EIF4G3: variants seen among roughly 807,000 people sequenced by gnomAD.
The protein encoded by EIF4G3 is eIF-4-gamma 3.
A neutral mutation model predicts 186.4 loss-of-function variants in EIF4G3; 34 were observed. The observed-to-expected ratio is 0.18, with a 90% CI of 0.14 to 0.24. The LOEUF is 0.24. Ranked by LOEUF, EIF4G3 falls within the 10% of genes least tolerant of loss-of-function variation. The pLI is 1.00. For synonymous variants in EIF4G3, 673 were observed against 679.5 expected (o/e 0.99, Z 0.15); for missense variants, 1,536 against 1,948.5 (o/e 0.79, Z 3.99).
chr1:21,158,768 A>G (rs2097706732), intron 2 of EIF4G3, among the ~76,000 whole-genome samples: 1 of 152,114 alleles, frequency 6.6e-6, no homozygotes, highest in South Asian at 2.1e-4. Flanking sequence ...CTCTATATAT[A>G]TAGGTGTTCA....
intron 7 of EIF4G3, among the ~76,000 whole-genome samples, chr1:20,992,872 AAAC>A (rs1371546144): frequency 3.3e-5 from 5 of 152,184 alleles, no homozygotes; most frequent in African/African-American, 1.2e-4. Flanking sequence ...TACACAAAAT[AAAC>A]AACACAGGCC....
intron 20 of EIF4G3, among the ~76,000 whole-genome samples, chr1:20,875,256 C>T (rs74061339): frequency 0.01 from 1,541 of 152,294 alleles, 22 homozygotes; most frequent in African/African-American, 0.036. Flanking sequence ...AGTGTTGACA[C>T]TGTAGGCATG....
At chr1:21,155,276 A>AG (rs2097634273) in intron 2 of EIF4G3, among the ~76,000 whole-genome samples, 1 of 150,600 alleles carries the variant, frequency 6.6e-6, no homozygotes, top group East Asian at 1.9e-4. Flanking sequence ...AAAAAAAAAA[A>AG]AAAAAAAAAA....
chr1:20,973,293 A>C (rs187869710), intron 10 of EIF4G3, among the ~76,000 whole-genome samples, 194 bp from the exon 11 acceptor site: 191 of 152,334 alleles, frequency 1.3e-3, no homozygotes, highest in African/African-American at 4.4e-3. Context: ...AAAATATGTA[A>C]TGTCTTCAAA....
At chr1:20,915,287 A>G (rs564332188) in intron 14 of EIF4G3, among the ~76,000 whole-genome samples, 70 of 152,284 alleles carry the variant, frequency 4.6e-4, no homozygotes, top group African/African-American at 1.4e-3. Context: ...TTCTTTGCAA[A>G]TACTTGAGGA....
intron 4 of EIF4G3, among the ~76,000 whole-genome samples, chr1:21,049,312 T>C (rs2094080921): frequency 6.6e-6 from 1 of 152,230 alleles, no homozygotes; most frequent in Non-Finnish European, 1.5e-5. Flanking sequence ...TCTGAGCCTC[T>C]ACTCAGCCCT....
chr1:20,848,169 G>A (rs1178626598), intron 29 of EIF4G3, among the ~76,000 whole-genome samples: 2 of 152,024 alleles, frequency 1.3e-5, no homozygotes, highest in East Asian at 3.9e-4. Context: ...GCTTTATCAT[G>A]TTGCCCAGGC....
intron 4 of EIF4G3, among the ~76,000 whole-genome samples, chr1:21,032,746 C>A (rs571037690): frequency 1.3e-5 from 2 of 151,974 alleles, no homozygotes; most frequent in South Asian, 2.1e-4. Flanking sequence ...CTTCTGCCTA[C>A]AATTCTACAG....
chr1:21,146,880 C>T (rs1159688857), intron 2 of EIF4G3, among the ~76,000 whole-genome samples: 1 of 152,144 alleles, frequency 6.6e-6, no homozygotes. Flanking sequence ...CTATAAAATA[C>T]TACTAGTATC....
Position 20,829,141 on chromosome 1 carries a change from A to G in EIF4G3, c.4187+6T>C, listed in dbSNP as rs1263718229. ...ATATATATCAAGAGAAACAAGTATAACTTACATGGTAAGTTCTCTCATGGA... is the reference window on the plus strand; with the variant it reads ...ATATATATCAAGAGAAACAAGTATAGCTTACATGGTAAGTTCTCTCATGGA... On this transcript the variant is annotated splice_donor_region_variant and intron_variant, in intron 31 of 36. Coordinates refer to ENST00000602326, the MANE Select transcript of EIF4G3 (RefSeq NM_001391906.1). 1 of 1,612,986 alleles carries G rather than the reference A, an allele frequency of 6.2e-7. No individual in the cohort carries two copies. Among genetic ancestry groups the G allele is most frequent in the East Asian group, 2.2e-5 (1 of 44,874 alleles).
chr1:21,119,339 T>G (rs1297057645), intron 2 of EIF4G3, among the ~76,000 whole-genome samples: 1 of 151,990 alleles, frequency 6.6e-6, no homozygotes, highest in Non-Finnish European at 1.5e-5. Context: ...AAAAAAGACT[T>G]GAGAAATAAA....
At position 20,848,790 on chromosome 1, in the gene EIF4G3, G is replaced by A. The variant is rs139709142; in HGVS notation, c.3888+625C>T. ...AGGCCAGGTGTGGTGGCTCACGCCTGTAATCTCAGCACTTTGGGAGTCCGA... is the reference window on the plus strand; with the variant it reads ...AGGCCAGGTGTGGTGGCTCACGCCTATAATCTCAGCACTTTGGGAGTCCGA... On this transcript the variant is annotated intron_variant, in intron 29 of 36. Transcript: ENST00000602326. Among the ~76,000 whole-genome samples the A allele has an allele frequency of 1.9e-3, 291 of 152,078 alleles. 1 individual carries two copies. The highest frequency in any genetic ancestry group is 6.5e-3 in the African/African-American group (269 of 41,468).
intron 4 of EIF4G3, among the ~76,000 whole-genome samples, chr1:21,026,248 T>C (rs1041613289): frequency 3.9e-5 from 6 of 152,216 alleles, no homozygotes; most frequent in Middle Eastern, 3.4e-3. Flanking sequence ...CCCACAAATA[T>C]ATGTTCAAAC....
At chr1:20,839,434 G>C (rs550417001) in intron 30 of EIF4G3, among the ~76,000 whole-genome samples, 1 of 152,130 alleles carries the variant, frequency 6.6e-6, no homozygotes, top group East Asian at 1.9e-4. Flanking sequence ...ATGGTCCTAG[G>C]GGCAAGTATA....
intron 2 of EIF4G3, among the ~76,000 whole-genome samples, chr1:21,098,214 C>T (rs370577273): frequency 2.0e-5 from 3 of 151,870 alleles, no homozygotes; most frequent in South Asian, 2.1e-4. Flanking sequence ...TTAAAACTTA[C>T]GTAAATAAGA....
chr1:20,894,459 TA>T (rs2154555906), intron 17 of EIF4G3, among the ~76,000 whole-genome samples: 1 of 152,308 alleles, frequency 6.6e-6, no homozygotes, highest in East Asian at 1.9e-4. Context: ...GACCTGTTGC[TA>T]TAAGAAAGTA....
intron 2 of EIF4G3, among the ~76,000 whole-genome samples, chr1:21,109,888 G>A (rs11577267): frequency 0.4 from 60,512 of 151,854 alleles, 12,698 homozygotes; most frequent in Middle Eastern, 0.52. Context: ...AGGTTCAAGC[G>A]ATTCTCCCGC....
intron 14 of EIF4G3, among the ~76,000 whole-genome samples, chr1:20,921,117 T>C (rs751902646): frequency 6.6e-6 from 1 of 152,174 alleles, no homozygotes; most frequent in Non-Finnish European, 1.5e-5. Context: ...TTAATCTATA[T>C]GAAACCCTAA....
At chr1:21,041,153 T>C (rs1346952516) in intron 4 of EIF4G3, among the ~76,000 whole-genome samples, 1 of 152,226 alleles carries the variant, frequency 6.6e-6, no homozygotes, top group Non-Finnish European at 1.5e-5. Context: ...CCAGATGTCT[T>C]ATCACATTTA....
Sources: gnomAD v4.1 joint callset for allele counts (sites outside exome capture counted in the v4.1 genomes callset) on GRCh38, gnomAD v4.1.1 for gene constraint, MANE v1.5 for transcripts, NCBI Gene and HGNC (gene_info 2026-07-23, HGNC 2026-07-21) for gene names.